Variants in ZNF569 observed in about 807,000 individuals in gnomAD.
ZNF569 encodes the protein DNA-binding protein.
In ZNF569, 38 loss-of-function variants were observed where a neutral mutation model predicts 56.3. The ratio of observed to expected loss-of-function variants is 0.68; its 90% CI spans 0.52 to 0.88. The LOEUF is 0.88. Ranked by LOEUF, ZNF569 falls within the 40% of genes least tolerant of loss-of-function variation. The pLI is 0.00. For missense variants in ZNF569, 666 were observed against 809.2 expected (o/e 0.82, Z 2.15); for synonymous variants, 241 against 262.9 (o/e 0.92, Z 0.81).
chr19:37,432,767 G>A (rs1322953331), intron 3 of ZNF569, among the ~76,000 whole-genome samples: 1 of 152,108 alleles, frequency 6.6e-6, no homozygotes, highest in African/African-American at 2.4e-5. Flanking sequence ...GAAACTCAAT[G>A]AAATTCAAGA....
intron 3 of ZNF569, among the ~76,000 whole-genome samples, chr19:37,428,522 C>CT (rs2041172905): frequency 1.1e-5 from 1 of 90,690 alleles, no homozygotes; most frequent in Non-Finnish European, 2.0e-5. Flanking sequence ...GACCCTGTCT[C>CT]TTAAAAAAAA....
At chr19:37,457,275 C>T (rs2146968237) in intron 2 of ZNF569, among the ~76,000 whole-genome samples, 1 of 152,198 alleles carries the variant, frequency 6.6e-6, no homozygotes, top group African/African-American at 2.4e-5. Context: ...CCTTTAAAAC[C>T]AATTTTAAAA....
intron 2 of ZNF569, among the ~76,000 whole-genome samples, chr19:37,457,589 A>G (rs2146968792): frequency 6.6e-6 from 1 of 152,020 alleles, no homozygotes; most frequent in South Asian, 2.1e-4. Flanking sequence ...TCGCAAGGAC[A>G]GAAAACCAAA....
upstream of ZNF569, chr19:37,468,911 C>T (rs149094804): frequency 2.6e-5 from 11 of 426,596 alleles, no homozygotes; most frequent in Non-Finnish European, 3.1e-5. Context: ...GGGTATCCAG[C>T]ACAATTCTAG....
chr19:37,412,441 C>T lies in ZNF569; in HGVS notation c.*156G>A. On this transcript the variant is annotated 3_prime_UTR_variant, in exon 6 of 6. Coordinates refer to ENST00000316950, the MANE Select transcript of ZNF569 (RefSeq NM_152484.3). ...AGCTTTTTCATTATATAATTTGTCA[C>T]CTTGGAAGAATTCTCTAATGTTTCA... 7.8e-7 allele frequency: 1 copy of T among 1,280,348 alleles called. No homozygotes were observed. The highest frequency in any genetic ancestry group is 1.0e-6 in the Non-Finnish European group (1 of 997,112). 79.3% of individuals were successfully genotyped at this position (1,280,348 alleles called of 1,614,324 possible). A position where few individuals can be genotyped will look rare whatever the true frequency, so the allele number is the denominator to read the frequency against.
chr19:37,435,040 G>A (rs981757128), intron 3 of ZNF569, among the ~76,000 whole-genome samples: 3 of 152,134 alleles, frequency 2.0e-5, no homozygotes, highest in African/African-American at 7.2e-5. Flanking sequence ...CAGGAGAATC[G>A]CTTGAACCTG....
chr19:37,455,671 C>T lies in ZNF569; in HGVS notation c.-44+9642G>A, dbSNP rs143493545. On this transcript the variant is annotated intron_variant, in intron 2 of 5. Transcript: ENST00000316950. ...GGGGATATGGCTCTGTGGTGGACAA[C>T]AGTATTTTCTCCCCCACCCCCAACT... Among the ~76,000 whole-genome samples the T allele has an allele frequency of 6.3e-3, 955 of 152,248 alleles. 25 individuals are homozygous for T. Among genetic ancestry groups the T allele is most frequent in the East Asian group, 0.052 (270 of 5,170 alleles).
chr19:37,463,720 T>TGTTCCATGCAC (rs35668666), intron 2 of ZNF569, among the ~76,000 whole-genome samples: 2,596 of 88,690 alleles, frequency 0.029, 70 homozygotes, highest in African/African-American at 0.15. Context: ...GCATGTTTAT[T>TGTTCCATGCAC]GTTCCATGCA....
intron 2 of ZNF569, among the ~76,000 whole-genome samples, chr19:37,458,257 G>A (rs1161564680): frequency 6.6e-6 from 1 of 152,116 alleles, no homozygotes; most frequent in Non-Finnish European, 1.5e-5. Flanking sequence ...TTTGTTACAT[G>A]AGTATTACCT....
intron 5 of ZNF569, among the ~76,000 whole-genome samples, chr19:37,416,689 C>T (rs2040939870): frequency 6.6e-6 from 1 of 151,024 alleles, no homozygotes; most frequent in African/African-American, 2.4e-5. Context: ...GCTTTTTTCC[C>T]CTGAATATTT....
At position 37,412,592 on chromosome 19, in the gene ZNF569, G is replaced by A. The variant is rs2146844981; in HGVS notation, c.*5C>T. On this transcript the variant is annotated 3_prime_UTR_variant, in exon 6 of 6. Coordinates refer to ENST00000316950, the MANE Select transcript of ZNF569 (RefSeq NM_152484.3). Reference sequence around the variant, plus strand: ...CTTGCCATATTCACAATATTCATAGGGTTTCTAATGAGTATGAATTCTCTG... The same window carrying A: ...CTTGCCATATTCACAATATTCATAGAGTTTCTAATGAGTATGAATTCTCTG... 6.3e-7 allele frequency: 1 copy of A among 1,576,164 alleles called. No individual in the cohort carries two copies. Among genetic ancestry groups the A allele is most frequent in the Non-Finnish European group, 8.6e-7 (1 of 1,163,982 alleles).
chr19:37,438,808 G>C (rs2041355074), intron 3 of ZNF569, among the ~76,000 whole-genome samples: 1 of 152,134 alleles, frequency 6.6e-6, no homozygotes, highest in South Asian at 2.1e-4. Flanking sequence ...ACAAAGTGAA[G>C]AGGCAACCCA....
At position 37,412,910 on chromosome 19, in the gene ZNF569, C is replaced by T. The variant is rs1251755227; in HGVS notation, c.1748G>A (p.Cys583Tyr). 1 of 1,614,078 alleles carries T rather than the reference C, an allele frequency of 6.2e-7. No homozygotes were observed. The highest frequency in any genetic ancestry group is 8.5e-7 in the Non-Finnish European group (1 of 1,179,958). The change falls in exon 6 of 6, where the codon TGT becomes TAT. Residue 583 changes from cysteine to tyrosine, a missense_variant. Physicochemically the swap from Cys to Tyr is radical, Grantham distance 194. Coordinates refer to ENST00000316950, the MANE Select transcript of ZNF569 (RefSeq NM_152484.3). ...AGTTCTTTGAGAGAAGGCTTTCCCACATTCATTACATACATAGGGCTTCTC... is the reference window on the plus strand; with the variant it reads ...AGTTCTTTGAGAGAAGGCTTTCCCATATTCATTACATACATAGGGCTTCTC... ...TGEKPYVCNE[C>Y]GKAFSQRTSL... is the part of the protein sequence containing the mutation.
At chr19:37,446,510 A>G (rs954186865) in intron 2 of ZNF569, among the ~76,000 whole-genome samples, 5 of 146,312 alleles carry the variant, frequency 3.4e-5, no homozygotes, top group African/African-American at 1.0e-4. Context: ...ATATCACACC[A>G]CTGCACTCCA....
chr19:37,425,523 G>A (rs1478351616), intron 5 of ZNF569: 8 of 156,910 alleles, frequency 5.1e-5, no homozygotes, highest in South Asian at 1.9e-4. Context: ...GGGTTTCACC[G>A]TGTTAGCCAG....
At chr19:37,435,631 A>G (rs2041296800) in intron 3 of ZNF569, among the ~76,000 whole-genome samples, 1 of 152,238 alleles carries the variant, frequency 6.6e-6, no homozygotes, top group Non-Finnish European at 1.5e-5. Context: ...TCATCTATAA[A>G]GACACACATA....
intron 5 of ZNF569, among the ~76,000 whole-genome samples, chr19:37,420,842 T>A (rs1014940088): frequency 1.5e-4 from 23 of 152,228 alleles, no homozygotes; most frequent in African/African-American, 5.5e-4. Flanking sequence ...ATCAGAGGAA[T>A]CATTACCTAT....
intron 2 of ZNF569, among the ~76,000 whole-genome samples, chr19:37,449,659 TG>T (rs2041560244): frequency 6.6e-6 from 1 of 151,804 alleles, no homozygotes; most frequent in African/African-American, 2.4e-5. Flanking sequence ...TTTTTTTTTT[TG>T]GTTAGTATTT....
intron 2 of ZNF569, chr19:37,454,849 C>T: frequency 1.4e-6 from 1 of 702,676 alleles, no homozygotes; most frequent in Non-Finnish European, 2.6e-6. Context: ...TATATGGTGT[C>T]TGGCAGAGTC....
Sources: allele counts gnomAD v4.1 joint callset (sites outside exome capture counted in the v4.1 genomes callset), GRCh38; gene constraint gnomAD v4.1.1; transcripts MANE v1.5; gene names NCBI Gene and HGNC (gene_info 2026-07-23, HGNC 2026-07-21).